The following MYO16 variants were observed in gnomAD, a reference collection of about 807,000 sequenced individuals.
MYO16 encodes myosin XVI.
In MYO16, 94 loss-of-function variants were observed where a neutral mutation model predicts 205.3. That is an observed-to-expected ratio of 0.46 (90% CI 0.39 to 0.54). The LOEUF (loss-of-function observed/expected upper bound fraction) is 0.54, where lower values mean the gene tolerates loss of function less well. Ranked by LOEUF, MYO16 falls within the 20% of genes least tolerant of loss-of-function variation. The pLI is 0.00. For synonymous variants in MYO16, 988 were observed against 954.0 expected, an observed-to-expected ratio of 1.04 and a Z score of -0.66; for missense variants, 2,315 against 2,387.5, an observed-to-expected ratio of 0.97 and a Z score of 0.63.
Position 109,047,032 on chromosome 13 carries a change from C to T in MYO16, c.2872+41C>T, listed in dbSNP as rs1209300184. On this transcript the variant is annotated intron_variant, in intron 24 of 34. Transcript: ENST00000457511. ...TTCCTGCCCTACACTGGTTAAAATG[C>T]CATGCATCCGTTATTTCTTTATCTC... 4 of 1,356,506 alleles carry T rather than the reference C, an allele frequency of 2.9e-6. No homozygotes were observed. The East Asian group carries it at 6.9e-5, about 23-fold the overall frequency. The allele number at this position is 1,356,506 out of a possible 1,614,324, so 84.0% of individuals were successfully genotyped here.
At chr13:108,680,676 A>C (rs974106389) in intron 2 of MYO16, among the ~76,000 whole-genome samples, 1 of 152,216 alleles carries the variant, frequency 6.6e-6, no homozygotes, top group Admixed American at 6.5e-5. Context: ...TCTTACTACT[A>C]TGCCATAGGA....
At position 109,140,686 on chromosome 13, in the gene MYO16, G is replaced by A. The variant is rs1247375138; in HGVS notation, c.4474G>A (p.Gly1492Arg). The change falls in exon 32 of 35, where the codon GGG becomes AGG. Residue 1492 changes from glycine to arginine, a missense_variant. Around this residue, in one of 3 missense-constraint regions of MYO16, gnomAD observed 1,097 missense variants for 1,092.0 expected, o/e 1.00. Coordinates refer to ENST00000457511, the MANE Select transcript of MYO16 (RefSeq NM_001198950.3). The surrounding 1 kb of genome is among the most constrained non-coding windows in gnomAD (Gnocchi z 8.0). ...CCGCGCGCCGGAGGACGAGGCGGCG[G>A]GGCCCCCAGGGGACGCGTGCGACAT... is the stretch of plus-strand genomic sequence containing the variant. ...LHRAPEDEAA[G>R]PPGDACDIPP... is the part of the protein sequence containing the mutation. 2 of 1,478,916 alleles carry A rather than the reference G, an allele frequency of 1.4e-6. No homozygotes were observed. The highest frequency in any genetic ancestry group is 1.4e-5 in the South Asian group (1 of 73,692). The allele number at this position is 1,478,916 out of a possible 1,614,324, so 91.6% of individuals were successfully genotyped here.
At chr13:108,755,284 G>C (rs534720378) in intron 4 of MYO16, among the ~76,000 whole-genome samples, 1 of 151,962 alleles carries the variant, frequency 6.6e-6, no homozygotes, top group Non-Finnish European at 1.5e-5. Context: ...TGAGCCCAGG[G>C]GACTCATGCA....
At chr13:108,500,512 G>A in the MYO16 span, among the ~76,000 whole-genome samples, 158 of 152,120 alleles carry the variant, frequency 1.0e-3, no homozygotes, top group African/African-American at 3.5e-3. Flanking sequence ...ACAAGCATGA[G>A]CCACCACGCC....
At chr13:109,112,755 T>A (rs1474053974) in intron 28 of MYO16, among the ~76,000 whole-genome samples, 1 of 151,982 alleles carries the variant, frequency 6.6e-6, no homozygotes, top group Non-Finnish European at 1.5e-5. Context: ...AAAAAAAAAA[T>A]AATTTTTGTA....
At chr13:108,848,002 C>A (rs1270398812) in intron 10 of MYO16, among the ~76,000 whole-genome samples, 1 of 152,066 alleles carries the variant, frequency 6.6e-6, no homozygotes, top group Non-Finnish European at 1.5e-5. Context: ...AGAGAGAGAG[C>A]GGGAAAGAGG....
rs756253854 is a variant in MYO16, at chr13:108,709,982, C to T, written c.293-2679C>T. On this transcript the variant is annotated intron_variant, in intron 2 of 34. Transcript: ENST00000457511. Reference sequence around the variant, plus strand: ...TGCCCTTTTCTCACTAGGATGATGCCGGGCTGGATGGAGGAAGAAGCCTTT... The same window carrying T: ...TGCCCTTTTCTCACTAGGATGATGCTGGGCTGGATGGAGGAAGAAGCCTTT... Among the ~76,000 whole-genome samples, 6 of 100,638 alleles carry T rather than the reference C, an allele frequency of 6.0e-5. 1 individual carries two copies. Among genetic ancestry groups the T allele is most frequent in the Non-Finnish European group, 8.8e-5 (4 of 45,690 alleles). 66.0% of individuals were successfully genotyped at this position (100,638 alleles called of 152,430 possible).
intron 21 of MYO16, among the ~76,000 whole-genome samples, chr13:109,005,447 G>T (rs1594462522): frequency 6.6e-6 from 1 of 152,152 alleles, no homozygotes; most frequent in Non-Finnish European, 1.5e-5. Flanking sequence ...ATGTCAATAT[G>T]TGATATTCAG....
At chr13:108,788,581 C>A (rs1886525773) in intron 5 of MYO16, among the ~76,000 whole-genome samples, 1 of 152,212 alleles carries the variant, frequency 6.6e-6, no homozygotes, top group Non-Finnish European at 1.5e-5. Context: ...GCATACACCA[C>A]CATTCACTGT....
intron 27 of MYO16, among the ~76,000 whole-genome samples, chr13:109,086,973 A>C (rs1888452215): frequency 6.6e-6 from 1 of 152,246 alleles, no homozygotes; most frequent in African/African-American, 2.4e-5. Flanking sequence ...CTAATGTTTA[A>C]TATCTCACGG....
intron 21 of MYO16, among the ~76,000 whole-genome samples, chr13:109,004,238 T>TA (rs1052175523): frequency 6.6e-6 from 1 of 152,142 alleles, no homozygotes; most frequent in African/African-American, 2.4e-5. Flanking sequence ...TTTTTAATAA[T>TA]AAAAAACTTG....
rs1180741429 is a variant in MYO16, at chr13:109,022,616, A to G, written c.2796+2705A>G. ...CTATATTCTATATACGCATATAAAC[A>G]TATGTATATATATTATATATATGCA... On this transcript the variant is annotated intron_variant, in intron 23 of 34. Transcript: ENST00000457511. Among the ~76,000 whole-genome samples, 4 of 131,406 alleles carry G rather than the reference A, an allele frequency of 3.0e-5. 1 individual carries two copies. The highest frequency in any genetic ancestry group is 1.1e-4 in the African/African-American group (4 of 36,176). The allele number at this position is 131,406 out of a possible 152,430, so 86.2% of individuals were successfully genotyped here. A position where few individuals can be genotyped will look rare whatever the true frequency, so the allele number is the denominator to read the frequency against.
chr13:108,876,945 C>T (rs1311262342), intron 12 of MYO16, among the ~76,000 whole-genome samples: 1 of 152,090 alleles, frequency 6.6e-6, no homozygotes, highest in African/African-American at 2.4e-5. Context: ...GGATTACAGG[C>T]GTGAGTCACC....
At chr13:108,935,820 T>A (rs764249630) in intron 16 of MYO16, among the ~76,000 whole-genome samples, 24 of 121,394 alleles carry the variant, frequency 2.0e-4, no homozygotes, top group African/African-American at 4.8e-4. Context: ...TTCTTGAGGG[T>A]TTTTTTTTTT....
intron 9 of MYO16, among the ~76,000 whole-genome samples, chr13:108,836,269 G>A (rs980620838): frequency 6.6e-6 from 1 of 152,232 alleles, no homozygotes; most frequent in Non-Finnish European, 1.5e-5. Flanking sequence ...AATACATGTG[G>A]TGTTGGGCCT....
At position 108,926,295 on chromosome 13, in the gene MYO16, C is replaced by T. The variant is rs545124518; in HGVS notation, c.1925+16145C>T. Among the ~76,000 whole-genome samples, 22 of 152,272 alleles carry T rather than the reference C, an allele frequency of 1.4e-4. No homozygotes were observed. In the East Asian group the frequency reaches 1.9e-3, roughly 13 times the overall value. On this transcript the variant is annotated intron_variant, in intron 16 of 34. Coordinates refer to ENST00000457511, the MANE Select transcript of MYO16 (RefSeq NM_001198950.3). ...TCGCAGTCTTCACTCTTTCTATCTC[C>T]GATTCAAAGAGTAGCTATTATCTAT... is the stretch of plus-strand genomic sequence containing the variant.
At chr13:108,902,336 A>G (rs1304864384) in intron 15 of MYO16, among the ~76,000 whole-genome samples, 1 of 152,214 alleles carries the variant, frequency 6.6e-6, no homozygotes, top group Non-Finnish European at 1.5e-5. Context: ...AAGTCCAAAA[A>G]TGAAAGCACT....
intron 3 of MYO16, among the ~76,000 whole-genome samples, chr13:108,714,586 GTGTGTC>G (rs1217684692): frequency 4.8e-5 from 5 of 104,190 alleles, no homozygotes; most frequent in East Asian, 3.4e-4. Flanking sequence ...CTTCACGTGT[GTGTGTC>G]TGTGTGTGTG....
chr13:108,504,103 C>T, the MYO16 span, among the ~76,000 whole-genome samples: 2 of 151,934 alleles, frequency 1.3e-5, no homozygotes, highest in Admixed American at 6.6e-5. Context: ...CTACAGATCT[C>T]TAGATTTTTG....
Sources: gnomAD v4.1 joint callset for allele counts (sites outside exome capture counted in the v4.1 genomes callset) on GRCh38, gnomAD v4.1.1 for gene constraint, gnomAD v4.1.1 regional missense constraint, Gnocchi (gnomAD v3.1) non-coding constraint, MANE v1.5 for transcripts, NCBI Gene and HGNC (gene_info 2026-07-23, HGNC 2026-07-21) for gene names.